The following ANK3 variants were observed in gnomAD, a reference collection of about 807,000 sequenced individuals.
ANK3 encodes the protein ankyrin 3, also known as ankyrin-3.
A neutral mutation model predicts 370.9 loss-of-function variants in ANK3; 57 were observed. That is an observed-to-expected ratio of 0.15 (90% CI 0.12 to 0.19). ANK3 has a LOEUF of 0.19. ANK3 is among the 10% of genes least tolerant of loss of function. The pLI is 1.00. For missense variants in ANK3, 4,439 were observed against 5,302.1 expected, an observed-to-expected ratio of 0.84 and a Z score of 5.06; for synonymous variants, 1,929 against 1,946.3, an observed-to-expected ratio of 0.99 and a Z score of 0.23.
At chr10:60,659,507 A>C (rs2078909194) in intron 1 of ANK3, among the ~76,000 whole-genome samples, 1 of 151,852 alleles carries the variant, frequency 6.6e-6, no homozygotes, top group East Asian at 1.9e-4. Context: ...TGACCTTATC[A>C]CCTCTCTGCT....
chr10:60,083,347 G>A (rs2132011022), intron 33 of ANK3, 145 bp downstream of exon 33: 1 of 806,378 alleles, frequency 1.2e-6, no homozygotes, highest in East Asian at 2.8e-5. Flanking sequence ...AGTATACTCT[G>A]GTAGAACCAG....
At chr10:60,433,653 T>C (rs1033612981) in intron 2 of ANK3, among the ~76,000 whole-genome samples, 12 of 151,988 alleles carry the variant, frequency 7.9e-5, no homozygotes, top group African/African-American at 2.9e-4. Context: ...TGCCTAGGGA[T>C]GACAAAGGAA....
chr10:60,272,926 C>A (rs576178538), intron 4 of ANK3, among the ~76,000 whole-genome samples: 293 of 152,298 alleles, frequency 1.9e-3, no homozygotes, highest in Non-Finnish European at 3.5e-3. Context: ...ACTAGTCTAT[C>A]CACACATCTC....
chr10:60,140,856 G>C (rs2094529740), intron 23 of ANK3: 1 of 989,408 alleles, frequency 1.0e-6, no homozygotes, highest in Non-Finnish European at 1.2e-6. Flanking sequence ...CATGTAGGGA[G>C]AGAGCGAAGT....
chr10:60,359,200 T>C (rs1033165331), intron 1 of ANK3, among the ~76,000 whole-genome samples: 3 of 152,088 alleles, frequency 2.0e-5, no homozygotes, highest in Admixed American at 6.5e-5. Context: ...TCTACATACA[T>C]GGTAATGAGA....
At chr10:60,522,558 T>G (rs1430169743) in intron 2 of ANK3, among the ~76,000 whole-genome samples, 1 of 152,066 alleles carries the variant, frequency 6.6e-6, no homozygotes, top group African/African-American at 2.4e-5. Flanking sequence ...CTTTGGGCTA[T>G]CTGAGCTGAC....
intron 1 of ANK3, among the ~76,000 whole-genome samples, chr10:60,327,084 C>T (rs926038569): frequency 7.2e-5 from 11 of 151,760 alleles, no homozygotes; most frequent in East Asian, 3.9e-4. Flanking sequence ...TTATTTTTAT[C>T]GGAGCATGCA....
Position 60,072,255 on chromosome 10 carries a change from G to A in ANK3, c.8626C>T (p.His2876Tyr). The A allele has an allele frequency of 6.2e-7, 1 of 1,614,054 alleles. No homozygotes were observed. The highest frequency in any genetic ancestry group is 8.5e-7 in the Non-Finnish European group (1 of 1,180,008). Residue 2876 changes from histidine (H) to tyrosine (Y), a missense_variant, in exon 37 of 44, where the codon CAT becomes TAT. His to Tyr is a moderately conservative substitution (Grantham distance 83). Coordinates refer to ENST00000280772, the MANE Select transcript of ANK3 (RefSeq NM_020987.5). ...QKEKLSHVLVHDVRENHIGHP... is the reference protein window; with the variant it reads ...QKEKLSHVLVYDVRENHIGHP... ...CCAATGTGATTCTCTCTTACATCAT[G>A]AACAAGTACATGCGAAAGTTTTTCT...
chr10:60,564,270 A>T (rs957417911), intron 2 of ANK3, among the ~76,000 whole-genome samples: 2 of 152,200 alleles, frequency 1.3e-5, no homozygotes, highest in Non-Finnish European at 2.9e-5. Flanking sequence ...TTTAAAGTAA[A>T]ATGGAAAAGG....
At chr10:60,234,656 A>G (rs376761973) in intron 8 of ANK3, 32 bp downstream of exon 8, 187 of 1,316,180 alleles carry the variant, frequency 1.4e-4, no homozygotes, top group Non-Finnish European at 2.0e-4. Flanking sequence ...CCTGAATACA[A>G]GTAGAAGCAG....
At chr10:60,216,190 T>C (rs1300232625) in intron 8 of ANK3, among the ~76,000 whole-genome samples, 3 of 152,118 alleles carry the variant, frequency 2.0e-5, no homozygotes, top group East Asian at 3.9e-4. Flanking sequence ...GTTTTTTAAA[T>C]ATAAAATCAT....
Position 60,395,375 on chromosome 10 carries a change from C to A in ANK3, c.97-115736G>T, listed in dbSNP as rs962663018. ...TTAAAGCTTTTTAAATGTGGTTATT[C>A]GAAATGTGAAATTAGATGCATGACT... On this transcript the variant is annotated intron_variant, in intron 2 of 43. Coordinates refer to the ANK3 transcript ENST00000373827. Among the ~76,000 whole-genome samples, 7 of 152,164 alleles carry A rather than the reference C, an allele frequency of 4.6e-5. No homozygotes were observed. The South Asian group carries it at 1.5e-3, about 32-fold the overall frequency.
intron 2 of ANK3, among the ~76,000 whole-genome samples, chr10:60,588,658 T>C (rs900046453): frequency 4.6e-5 from 7 of 151,564 alleles, no homozygotes; most frequent in African/African-American, 1.7e-4. Context: ...AGGTGGCTCA[T>C]GCCTGTAATC....
intron 36 of ANK3, 178 bp downstream of exon 36, chr10:60,080,359 T>C: frequency 1.8e-6 from 1 of 564,490 alleles, no homozygotes; most frequent in Non-Finnish European, 3.1e-6. Flanking sequence ...CTAGGGGCGT[T>C]TTTACCTCAC....
chr10:60,407,381 T>C (rs772996531), intron 2 of ANK3, among the ~76,000 whole-genome samples: 3 of 152,200 alleles, frequency 2.0e-5, no homozygotes, highest in Non-Finnish European at 4.4e-5. Flanking sequence ...CTCTACAGAA[T>C]TGTGAGGATG....
intron 2 of ANK3, among the ~76,000 whole-genome samples, chr10:60,395,610 C>CTT (rs1567004658): frequency 1.6e-3 from 133 of 84,982 alleles, no homozygotes; most frequent in Middle Eastern, 5.9e-3. Flanking sequence ...CTTTCTTTCT[C>CTT]TCTTTCGTTC....
intron 13 of ANK3, 54 bp from the exon 14 acceptor site, chr10:60,198,591 T>C: frequency 1.3e-6 from 2 of 1,538,154 alleles, no homozygotes; most frequent in Non-Finnish European, 1.8e-6. Flanking sequence ...CAATGGTGCC[T>C]TTATGAAAAA....
chr10:60,531,024 T>C (rs2076594169), intron 2 of ANK3, among the ~76,000 whole-genome samples: 2 of 152,144 alleles, frequency 1.3e-5, no homozygotes, highest in Admixed American at 6.6e-5. Flanking sequence ...ACTTTGTCTT[T>C]AGAATCAGTG....
At position 60,629,884 on chromosome 10, in the gene ANK3, A is replaced by T. The variant is rs192297187; in HGVS notation, c.58-14660T>A. Among the ~76,000 whole-genome samples the T allele has an allele frequency of 2.0e-3, 309 of 152,278 alleles. 2 individuals carry two copies. The highest frequency in any genetic ancestry group is 7.2e-3 in the African/African-American group (299 of 41,568). On this transcript the variant is annotated intron_variant, in intron 1 of 43. Transcript: ENST00000373827. ...ATATACCTTTCCCCAGTTGCAAAAGATGTGCATGCTACATTGCAATGTGAA... is the reference window on the plus strand; with the variant it reads ...ATATACCTTTCCCCAGTTGCAAAAGTTGTGCATGCTACATTGCAATGTGAA...
Sources: allele counts gnomAD v4.1 joint callset (sites outside exome capture counted in the v4.1 genomes callset), GRCh38; gene constraint gnomAD v4.1.1; transcripts MANE v1.5; gene names NCBI Gene and HGNC (gene_info 2026-07-23, HGNC 2026-07-21).